PKP4: variants seen among roughly 807,000 people sequenced by gnomAD.
PKP4 encodes plakophilin 4, also known as plakophilin-4.
In PKP4, 90 loss-of-function variants were observed where a neutral mutation model predicts 145.1. That is an observed-to-expected ratio of 0.62 (90% confidence interval 0.52 to 0.74). The LOEUF (loss-of-function observed/expected upper bound fraction) is 0.74, where lower values mean the gene tolerates loss of function less well. PKP4 is among the 30% of genes least tolerant of loss of function. PKP4 has a pLI of 0.00. For synonymous variants in PKP4, 563 were observed against 577.2 expected, an observed-to-expected ratio of 0.98 and a Z score of 0.35; for missense variants, 1,340 against 1,482.7, an observed-to-expected ratio of 0.90 and a Z score of 1.58.
chr2:158,529,175 G>A lies in PKP4; in HGVS notation c.-5-4005G>A, dbSNP rs1191059553. ...ATTAGCTCCAAAAGGAAAGGCCTCC[G>A]TTATTGCTCCAACCTTTAATTTTGA... On this transcript the variant is annotated intron_variant, in intron 1 of 21. Coordinates refer to ENST00000389759, the MANE Select transcript of PKP4 (RefSeq NM_003628.6). Among the ~76,000 whole-genome samples, 6 of 152,148 alleles carry A rather than the reference G, an allele frequency of 3.9e-5. No individual in the cohort carries two copies. In the East Asian group the frequency reaches 5.8e-4, roughly 15 times the overall value.
At chr2:158,600,385 G>T (rs1033466315) in intron 3 of PKP4, among the ~76,000 whole-genome samples, 2 of 152,146 alleles carry the variant, frequency 1.3e-5, no homozygotes, top group African/African-American at 2.4e-5. Flanking sequence ...AAGGGAACCG[G>T]GATGGAGTCA....
At chr2:158,643,728 A>AAT (rs1558941998) in intron 11 of PKP4, among the ~76,000 whole-genome samples, 1 of 142,962 alleles carries the variant, frequency 7.0e-6, no homozygotes, top group South Asian at 2.2e-4. Context: ...AAAAAAAAAA[A>AAT]GAAAAGAAAA....
chr2:158,665,899 C>G (rs1429453690), intron 15 of PKP4: 5 of 152,196 alleles, frequency 3.3e-5, no homozygotes, highest in African/African-American at 1.2e-4. Context: ...GGAGATTTCC[C>G]TTTCTTCTGA....
At chr2:158,632,694 T>A (rs1333413069) in intron 8 of PKP4, 1 of 151,928 alleles carries the variant, frequency 6.6e-6, no homozygotes, top group Non-Finnish European at 1.5e-5. Flanking sequence ...TAGGTAGCAA[T>A]AATAACCCCT....
intron 1 of PKP4, among the ~76,000 whole-genome samples, chr2:158,508,202 A>AC (rs960260837): frequency 2.4e-4 from 37 of 151,594 alleles, no homozygotes; most frequent in African/African-American, 8.5e-4. Flanking sequence ...ATTAAAAAAA[A>AC]AAAATACAAA....
At chr2:158,610,210 T>C (rs2051012354) in intron 4 of PKP4, among the ~76,000 whole-genome samples, 1 of 152,198 alleles carries the variant, frequency 6.6e-6, no homozygotes, top group Admixed American at 6.5e-5. Flanking sequence ...TATAACCTTG[T>C]GTATTCTGCT....
intron 1 of PKP4, among the ~76,000 whole-genome samples, chr2:158,475,618 G>T (rs1373197232): frequency 1.3e-5 from 2 of 152,206 alleles, no homozygotes; most frequent in African/African-American, 2.4e-5. Flanking sequence ...AGAAGTGCCA[G>T]TGGGTTATCC....
chr2:158,613,785 C>CT (rs2051344529), intron 4 of PKP4, among the ~76,000 whole-genome samples: 1 of 152,130 alleles, frequency 6.6e-6, no homozygotes, highest in African/African-American at 2.4e-5. Context: ...GTATGCTACC[C>CT]ACAAAGGCTT....
rs1484167191 is a variant in PKP4 at position 158,631,828 on chromosome 2, A to G, written c.1229A>G (p.His410Arg). The G allele has an allele frequency of 6.2e-7, 1 of 1,614,134 alleles. No homozygotes were observed. Among genetic ancestry groups the G allele is most frequent in the African/African-American group, 1.3e-5 (1 of 75,028 alleles). ...DLRSAVSPDLHITPIYEGRTY... is the reference protein window; with the variant it reads ...DLRSAVSPDLRITPIYEGRTY... ...CGTTCTGCCGTGTCTCCCGACTTGC[A>G]CATTACTCCTATATATGAGGGGAGG... Residue 410 changes from histidine to arginine, a missense_variant, in exon 8 of 22, where the codon CAC (histidine) becomes CGC (arginine). Transcript: ENST00000389759.
chr2:158,586,746 T>C (rs1342979238), intron 3 of PKP4, among the ~76,000 whole-genome samples: 1 of 152,232 alleles, frequency 6.6e-6, no homozygotes, highest in Non-Finnish European at 1.5e-5. Flanking sequence ...TAGAGCAGTT[T>C]GCTCAACCAC....
At chr2:158,548,665 G>T in intron 2 of PKP4, 1 of 165,304 alleles carries the variant, frequency 6.0e-6, no homozygotes, top group South Asian at 1.2e-4. Flanking sequence ...TGCCTCTTGC[G>T]ATGAACCAGT....
At chr2:158,530,935 C>G (rs1241088321) in intron 1 of PKP4, among the ~76,000 whole-genome samples, 3 of 152,118 alleles carry the variant, frequency 2.0e-5, no homozygotes, top group Non-Finnish European at 4.4e-5. Context: ...CTCTGACCCT[C>G]CTCCTCTTGA....
intron 15 of PKP4, 151 bp downstream of exon 15, chr2:158,663,596 A>C: frequency 1.6e-6 from 1 of 640,590 alleles, no homozygotes; most frequent in Non-Finnish European, 2.7e-6. Context: ...AAAGGGAAAA[A>C]AGGGAGACAA....
intron 1 of PKP4, among the ~76,000 whole-genome samples, chr2:158,508,342 G>A (rs2041183534): frequency 7.3e-6 from 1 of 136,062 alleles, no homozygotes; most frequent in Admixed American, 8.1e-5. Context: ...CTCCAGCCTG[G>A]GCAACAAGAG....
chr2:158,633,487 GCA>G (rs1189242925), intron 8 of PKP4, among the ~76,000 whole-genome samples: 2 of 152,196 alleles, frequency 1.3e-5, no homozygotes, highest in Non-Finnish European at 2.9e-5. Context: ...CAGCTGAATG[GCA>G]CAGATTTCAT....
chr2:158,560,781 T>C (rs2046448626), intron 2 of PKP4, among the ~76,000 whole-genome samples: 2 of 152,232 alleles, frequency 1.3e-5, no homozygotes, highest in Admixed American at 6.5e-5. Context: ...CTGATGTGGT[T>C]GTTACTCCCA....
intron 1 of PKP4, among the ~76,000 whole-genome samples, chr2:158,488,645 A>G (rs1694514407): frequency 6.6e-6 from 1 of 152,202 alleles, no homozygotes; most frequent in South Asian, 2.1e-4. Context: ...ACCTCCTGGA[A>G]TCCATGCCTT....
At chr2:158,493,671 A>G (rs1312132982) in intron 1 of PKP4, among the ~76,000 whole-genome samples, 1 of 152,234 alleles carries the variant, frequency 6.6e-6, no homozygotes, top group Non-Finnish European at 1.5e-5. Context: ...AGGTCTCAAG[A>G]GGCTTCTAGT....
rs1558920794 is a variant in PKP4, at chr2:158,631,865, C to T, written c.1266C>T (p.Ser422=). 6.2e-7 allele frequency: 1 copy of T among 1,614,110 alleles called. No homozygotes were observed. The highest frequency in any genetic ancestry group is 8.5e-7 in the Non-Finnish European group (1 of 1,179,978). ...TPIYEGRTYY[S]PVYRSPNHGT... ...TATATGAGGGGAGGACCTATTACAG[C>T]CCAGTGTACCGCAGCCCAAACCATG... Residue 422 remains serine (S), a synonymous_variant, in exon 8 of 22, where the codon AGC becomes AGT. Transcript: ENST00000389759.
Sources: gnomAD v4.1 joint callset for allele counts (sites outside exome capture counted in the v4.1 genomes callset) on GRCh38, gnomAD v4.1.1 for gene constraint, MANE v1.5 for transcripts, NCBI Gene and HGNC (gene_info 2026-07-23, HGNC 2026-07-21) for gene names.